The following FGF13 variants were observed in gnomAD, a reference collection of about 807,000 sequenced individuals.
FGF13 encodes the protein fibroblast growth factor homologous factor 2.
FGF13 carries 2 observed loss-of-function variants against 19.5 expected under a neutral mutation model. The ratio of observed to expected loss-of-function variants is 0.10; its 90% CI spans 0.04 to 0.32. FGF13 has a LOEUF of 0.32. FGF13 is among the 10% of genes least tolerant of loss of function. FGF13 has a pLI of 1.00. For missense variants in FGF13, 113 were observed against 192.7 expected (o/e 0.59, Z 2.45); for synonymous variants, 72 against 76.9 (o/e 0.94, Z 0.33).
chrX:138,696,986 T>C (rs1167991602), intron 3 of FGF13, among the ~76,000 whole-genome samples: 1 of 112,508 alleles, frequency 8.9e-6, no homozygotes, highest in Non-Finnish European at 1.9e-5. Context: ...ATTTAGTTTG[T>C]TTAAAACAGT....
chrX:138,633,642 C>T (rs1489949709), intron 4 of FGF13, among the ~76,000 whole-genome samples: 3 of 111,562 alleles, frequency 2.7e-5, no homozygotes, highest in Non-Finnish European at 5.6e-5. Flanking sequence ...TATTATTGTG[C>T]TATAAATAAA....
At chrX:138,793,655 A>G (rs1453463952) in intron 3 of FGF13, among the ~76,000 whole-genome samples, 1 of 111,956 alleles carries the variant, frequency 8.9e-6, no homozygotes, top group Non-Finnish European at 1.9e-5. Flanking sequence ...CTAGGCTTCA[A>G]TTAGGTCAAT....
intron 1 of FGF13, among the ~76,000 whole-genome samples, chrX:139,160,526 C>T (rs7877667): frequency 0.12 from 13,192 of 110,487 alleles, 1,292 homozygotes; most frequent in African/African-American, 0.33. Context: ...CATGAAAAGA[C>T]CGTTAAAAAA....
At chrX:138,908,445 C>T (rs1170044433) in intron 1 of FGF13, among the ~76,000 whole-genome samples, 2 of 104,344 alleles carry the variant, frequency 1.9e-5, no homozygotes, top group Non-Finnish European at 3.9e-5. Flanking sequence ...TGACATTATA[C>T]AAGAGATCAA....
At chrX:138,874,052 A>T (rs1019311674) in intron 1 of FGF13, among the ~76,000 whole-genome samples, 51 of 104,855 alleles carry the variant, frequency 4.9e-4, no homozygotes, top group Non-Finnish European at 7.4e-4. Flanking sequence ...ATACCTAATG[A>T]AAATGATGAG....
rs1288266870 is a variant in FGF13 at position 138,625,458 on chromosome X, TTATATATATATACATATATATATATAA to T, written c.*7365_*7391del. The T allele has an allele frequency of 2.1e-3, 195 of 93,736 alleles. No homozygotes were observed. The highest frequency in any genetic ancestry group is 3.9e-3 in the South Asian group (8 of 2,031). The allele number at this position is 93,736 out of a possible 1,213,427, so 7.7% of individuals were successfully genotyped here. A position where few individuals can be genotyped will look rare whatever the true frequency, so the allele number is the denominator to read the frequency against. ...CGGACAGATGAATGAAGAAAGAAAA[TTATATATATATACATATATATATATAA>T]TATATATATATACATATATATATAT... On this transcript the variant is annotated 3_prime_UTR_variant, in exon 5 of 5. Transcript: ENST00000315930.
At chrX:138,902,864 T>C (rs756859543) in intron 1 of FGF13, among the ~76,000 whole-genome samples, 1 of 111,569 alleles carries the variant, frequency 9.0e-6, no homozygotes, top group South Asian at 3.8e-4. Flanking sequence ...AAGGAACCCA[T>C]TACCACATTT....
chrX:139,112,807 T>A (rs1039102855), intron 1 of FGF13, among the ~76,000 whole-genome samples: 3 of 112,292 alleles, frequency 2.7e-5, no homozygotes, highest in Non-Finnish European at 5.6e-5. Context: ...ATGGCAAGCA[T>A]CTTCATTGCT....
At chrX:138,980,431 T>G (rs2124330693) in intron 1 of FGF13, among the ~76,000 whole-genome samples, 1 of 112,078 alleles carries the variant, frequency 8.9e-6, no homozygotes, top group South Asian at 3.7e-4. Flanking sequence ...TCCTGGCTCA[T>G]GAGTGATGAT....
chrX:139,113,589 TG>T (rs1336601550), intron 1 of FGF13, among the ~76,000 whole-genome samples: 1 of 112,393 alleles, frequency 8.9e-6, no homozygotes, highest in Non-Finnish European at 1.9e-5. Flanking sequence ...CAAACCAGGT[TG>T]GGGGTGGATT....
chrX:138,918,883 AATC>A (rs2091631001), intron 1 of FGF13, among the ~76,000 whole-genome samples: 1 of 111,809 alleles, frequency 8.9e-6, no homozygotes, highest in African/African-American at 3.3e-5. Context: ...TGGCCTGAAA[AATC>A]ATCATTTGTT....
intron 1 of FGF13, among the ~76,000 whole-genome samples, chrX:139,018,664 T>A (rs1055157144): frequency 9.0e-6 from 1 of 110,702 alleles, no homozygotes; most frequent in African/African-American, 3.3e-5. Flanking sequence ...CTTATGAGAG[T>A]TTCATTGGGC....
At chrX:139,053,329 G>C (rs1299044501) in intron 1 of FGF13, among the ~76,000 whole-genome samples, 2 of 109,989 alleles carry the variant, frequency 1.8e-5, no homozygotes, top group Non-Finnish European at 3.8e-5. Flanking sequence ...TCTCCACACT[G>C]TTTTCCATAG....
chrX:138,919,376 TAA>T (rs2091633537), intron 1 of FGF13, among the ~76,000 whole-genome samples: 1 of 112,047 alleles, frequency 8.9e-6, no homozygotes. Context: ...TGTAAATTAA[TAA>T]GAGGAAGATG....
chrX:139,008,276 C>T (rs2092112533), intron 1 of FGF13, among the ~76,000 whole-genome samples: 2 of 111,923 alleles, frequency 1.8e-5, no homozygotes, highest in African/African-American at 3.2e-5. Context: ...TGCCCACCAC[C>T]TGAGAAACCT....
At chrX:138,705,497 G>A (rs2089984862) in intron 2 of FGF13, among the ~76,000 whole-genome samples, 1 of 112,005 alleles carries the variant, frequency 8.9e-6, no homozygotes, top group Admixed American at 9.5e-5. Flanking sequence ...GCAAAACTAT[G>A]TACTTTTCAC....
intron 1 of FGF13, among the ~76,000 whole-genome samples, chrX:139,074,940 C>T (rs147780787): frequency 1.6e-3 from 167 of 106,471 alleles, no homozygotes; most frequent in African/African-American, 5.3e-3. Context: ...CTTGTTTATA[C>T]CTCAACTCGA....
At chrX:138,835,964 T>C (rs2091109784) in intron 3 of FGF13, among the ~76,000 whole-genome samples, 1 of 110,444 alleles carries the variant, frequency 9.1e-6, no homozygotes, top group Non-Finnish European at 1.9e-5. Flanking sequence ...TTCTTTAAGA[T>C]TGTTGAATGT....
intron 3 of FGF13, among the ~76,000 whole-genome samples, chrX:138,700,001 G>C (rs925811736): frequency 1.8e-5 from 2 of 110,628 alleles, no homozygotes; most frequent in African/African-American, 6.6e-5. Context: ...GAGCACTTCT[G>C]ACTTCTGTGA....
Sources: gnomAD v4.1 joint callset for allele counts (sites outside exome capture counted in the v4.1 genomes callset) on GRCh38, gnomAD v4.1.1 for gene constraint, MANE v1.5 for transcripts, NCBI Gene and HGNC (gene_info 2026-07-23, HGNC 2026-07-21) for gene names.